Variants in BACH2 observed in about 807,000 individuals in gnomAD.
BACH2 encodes BACH transcriptional regulator 2.
Under a neutral mutation model 61.8 loss-of-function variants are expected in BACH2, and 5 were observed. The ratio of observed to expected loss-of-function variants is 0.08; its 90% confidence interval spans 0.04 to 0.17. The LOEUF is 0.17. Among genes scored for constraint, BACH2 ranks in the 10% least tolerant of loss-of-function variants. The pLI is 1.00. For synonymous variants in BACH2, 446 were observed against 440.1 expected (o/e 1.01, Z -0.17); for missense variants, 824 against 1,091.1 (o/e 0.76, Z 3.45).
chr6:89,977,158 C>T (rs975132824), intron 6 of BACH2, among the ~76,000 whole-genome samples: 4 of 152,122 alleles, frequency 2.6e-5, no homozygotes, highest in Non-Finnish European at 5.9e-5. Flanking sequence ...TGAAAGTACA[C>T]CTCTCAAAAA....
intron 5 of BACH2, among the ~76,000 whole-genome samples, chr6:90,010,563 A>G (rs1267907628): frequency 6.6e-6 from 1 of 152,210 alleles, no homozygotes; most frequent in Non-Finnish European, 1.5e-5. Context: ...GAACATTCAC[A>G]TACAATTCTT....
At chr6:90,075,764 G>T (rs1781447916) in intron 5 of BACH2, among the ~76,000 whole-genome samples, 1 of 152,066 alleles carries the variant, frequency 6.6e-6, no homozygotes, top group Non-Finnish European at 1.5e-5. Context: ...TTTCACCAAG[G>T]ACAAAATATG....
intron 5 of BACH2, among the ~76,000 whole-genome samples, chr6:90,088,075 C>G (rs1404299585): frequency 6.6e-6 from 1 of 151,816 alleles, no homozygotes; most frequent in African/African-American, 2.4e-5. Context: ...CTCCTACTCT[C>G]TATGTCCAGG....
intron 5 of BACH2, among the ~76,000 whole-genome samples, chr6:90,069,567 T>C (rs2127801087): frequency 6.6e-6 from 1 of 152,238 alleles, no homozygotes; most frequent in South Asian, 2.1e-4. Flanking sequence ...GCCCAAGGGA[T>C]GCAAGAATGG....
chr6:90,192,940 G>A (rs1768624423), intron 4 of BACH2, among the ~76,000 whole-genome samples: 1 of 152,238 alleles, frequency 6.6e-6, no homozygotes, highest in Non-Finnish European at 1.5e-5. Context: ...CAGAAGCACT[G>A]GAAGATACAG....
chr6:90,281,305 C>A (rs1474097270), intron 1 of BACH2, among the ~76,000 whole-genome samples: 2 of 152,202 alleles, frequency 1.3e-5, no homozygotes, highest in Non-Finnish European at 2.9e-5. Flanking sequence ...ACAGTTATTT[C>A]TATTTAATGT....
intron 5 of BACH2, among the ~76,000 whole-genome samples, chr6:90,065,664 C>T (rs1017709789): frequency 1.6e-4 from 24 of 152,310 alleles, no homozygotes; most frequent in South Asian, 6.2e-4. Context: ...ACTAGAAGAA[C>T]TGCCCAGCCA....
At chr6:90,072,349 C>A (rs542925669) in intron 5 of BACH2, among the ~76,000 whole-genome samples, 40 of 152,284 alleles carry the variant, frequency 2.6e-4, no homozygotes, top group African/African-American at 9.6e-4. Context: ...CACTCAGGGC[C>A]ACAGGCTGGA....
chr6:89,971,448 T>A (rs186560172), intron 6 of BACH2, among the ~76,000 whole-genome samples: 1 of 152,224 alleles, frequency 6.6e-6, no homozygotes, highest in Admixed American at 6.5e-5. Flanking sequence ...AAACAATGAA[T>A]ATGAAGGAAA....
In BACH2 at chr6:89,950,355, G is replaced by A; in HGVS notation, c.1751C>T (p.Ser584Phe). ...QVRPQIKCEQ[S>F]YGTNSSDESG... ...TTCGTCACTGGAGTTGGTTCCATAA[G>A]ACTGCTCACATTTAATTTGGGGCCG... Residue 584 changes from serine (S) to phenylalanine (F), a missense_variant, in exon 7 of 9, where the codon TCT (serine) becomes TTT (phenylalanine). By Grantham distance (155) the Ser-to-Phe change is radical. Around this residue, in one of 8 missense-constraint regions of BACH2, gnomAD observed 160 missense variants for 283.5 expected, o/e 0.56. Transcript: ENST00000257749. This position sits in a 1 kb window ranked among gnomAD's most constrained non-coding sequence, Gnocchi z 5.3. The A allele has an allele frequency of 6.2e-7, 1 of 1,614,104 alleles. No homozygotes were observed. Among genetic ancestry groups the A allele is most frequent in the East Asian group, 2.2e-5 (1 of 44,862 alleles).
chr6:90,243,374 T>G (rs931615072), intron 3 of BACH2, among the ~76,000 whole-genome samples: 2 of 152,222 alleles, frequency 1.3e-5, no homozygotes, highest in Admixed American at 1.3e-4. Flanking sequence ...TCATTTTCAA[T>G]GAAACCTCAA....
chr6:90,012,977 T>C (rs1777807863), intron 5 of BACH2, among the ~76,000 whole-genome samples: 2 of 152,178 alleles, frequency 1.3e-5, no homozygotes, highest in African/African-American at 4.8e-5. Context: ...TATGGTAGTA[T>C]ATAGGTCTTT....
chr6:90,129,785 G>A (rs1279523214), intron 4 of BACH2, among the ~76,000 whole-genome samples: 1 of 152,044 alleles, frequency 6.6e-6, no homozygotes, highest in Non-Finnish European at 1.5e-5. Flanking sequence ...TTGGTGTAAA[G>A]GAATGCTTGT....
chr6:90,065,012 G>A (rs1304376685), intron 5 of BACH2, among the ~76,000 whole-genome samples: 1 of 151,992 alleles, frequency 6.6e-6, no homozygotes, highest in African/African-American at 2.4e-5. Context: ...ATGGCTGCAA[G>A]AATTCCTTCC....
chr6:90,292,434 G>A (rs1772207631), intron 1 of BACH2, among the ~76,000 whole-genome samples: 1 of 152,204 alleles, frequency 6.6e-6, no homozygotes, highest in Admixed American at 6.5e-5. Context: ...CATCTGGTCA[G>A]TAACAACTAA....
chr6:89,938,579 T>C (rs1183434445), intron 7 of BACH2, among the ~76,000 whole-genome samples: 1 of 152,242 alleles, frequency 6.6e-6, no homozygotes, highest in African/African-American at 2.4e-5. Flanking sequence ...GTCTCTGAGA[T>C]TTTTGAAGCA....
intron 4 of BACH2, among the ~76,000 whole-genome samples, chr6:90,116,228 A>G (rs905390727): frequency 6.6e-5 from 10 of 152,344 alleles, no homozygotes; most frequent in East Asian, 3.9e-4. Flanking sequence ...AATAGCAAAG[A>G]CATGGAATCA....
At chr6:89,933,192 T>C (rs967102405) in intron 8 of BACH2, among the ~76,000 whole-genome samples, 6 of 152,118 alleles carry the variant, frequency 3.9e-5, no homozygotes, top group African/African-American at 1.4e-4. Flanking sequence ...ATGTTTTGGT[T>C]TCCTGGAATT....
chr6:90,020,544 G>A (rs910312443), intron 5 of BACH2, among the ~76,000 whole-genome samples: 19 of 148,764 alleles, frequency 1.3e-4, no homozygotes, highest in African/African-American at 3.4e-4. Flanking sequence ...CACCAGATGC[G>A]GCCCCTAGAC....
Sources: allele counts gnomAD v4.1 joint callset (sites outside exome capture counted in the v4.1 genomes callset), GRCh38; gene constraint gnomAD v4.1.1; regional missense constraint gnomAD v4.1.1; non-coding constraint Gnocchi (gnomAD v3.1); transcripts MANE v1.5; gene names NCBI Gene and HGNC (gene_info 2026-07-23, HGNC 2026-07-21).